The following CACNA1D variants were observed in gnomAD, a reference collection of about 807,000 sequenced individuals.
The protein encoded by CACNA1D is voltage-dependent L-type calcium channel subunit alpha-1D.
In CACNA1D, 55 loss-of-function variants were observed where a neutral mutation model predicts 257.1. The ratio of observed to expected loss-of-function variants is 0.21; its 90% confidence interval spans 0.17 to 0.27. The LOEUF is 0.27. Ranked by LOEUF, CACNA1D falls within the 10% of genes least tolerant of loss-of-function variation. The pLI is 1.00. For synonymous variants in CACNA1D, 980 were observed against 1,014.9 expected (o/e 0.97, Z 0.65); for missense variants, 1,876 against 2,784.0 (o/e 0.67, Z 7.34).
chr3:53,654,210 A>G (rs934672619), intron 4 of CACNA1D, among the ~76,000 whole-genome samples: 3 of 152,224 alleles, frequency 2.0e-5, no homozygotes, highest in African/African-American at 7.2e-5. Context: ...TCTACACAGA[A>G]AGAAATGAAG....
At chr3:53,740,205 T>G (rs1038476778) in intron 20 of CACNA1D, 75 bp from the exon 21 acceptor site, 8 of 1,052,070 alleles carry the variant, frequency 7.6e-6, no homozygotes, top group Non-Finnish European at 9.0e-6. Context: ...GGATCGGGGG[T>G]TTCTGCCTGT....
intron 3 of CACNA1D, among the ~76,000 whole-genome samples, chr3:53,638,236 C>T (rs1433221361): frequency 6.6e-6 from 1 of 152,110 alleles, no homozygotes; most frequent in Non-Finnish European, 1.5e-5. Flanking sequence ...TATAGCAAAC[C>T]ATAGAGAGTT....
At chr3:53,687,286 A>G (rs530686442) in intron 8 of CACNA1D, among the ~76,000 whole-genome samples, 84 of 152,208 alleles carry the variant, frequency 5.5e-4, no homozygotes, top group Non-Finnish European at 9.0e-4. Flanking sequence ...TAAAACTAAT[A>G]TATAATTGCA....
At chr3:53,548,621 G>A (rs762051598) in intron 3 of CACNA1D, among the ~76,000 whole-genome samples, 26 of 151,946 alleles carry the variant, frequency 1.7e-4, no homozygotes, top group Admixed American at 1.5e-3. Flanking sequence ...GTCCCATCTG[G>A]ATCCCCCAAA....
rs1204480236 is a variant in CACNA1D, at chr3:53,801,439, T to C, written c.5408+14T>C. ...CAGTGTGAAAAGGTAACCTTGACAA[T>C]GTGTTTGGACTTGCTCATGTGGTGT... is the stretch of plus-strand genomic sequence containing the variant. On this transcript the variant is annotated intron_variant, in intron 42 of 47. Coordinates refer to ENST00000350061, the MANE Select transcript of CACNA1D (RefSeq NM_001128840.3). 1 of 1,613,204 alleles carries C rather than the reference T, an allele frequency of 6.2e-7. No individual in the cohort carries two copies. Among genetic ancestry groups the C allele is most frequent in the East Asian group, 2.2e-5 (1 of 44,880 alleles).
chr3:53,624,353 G>T (rs561356350), intron 3 of CACNA1D, among the ~76,000 whole-genome samples: 1 of 152,338 alleles, frequency 6.6e-6, no homozygotes, highest in Non-Finnish European at 1.5e-5. Context: ...AAGGAAAAGT[G>T]GAAGAAAGGA....
chr3:53,518,070 C>T (rs898219650), intron 3 of CACNA1D, among the ~76,000 whole-genome samples: 6 of 152,208 alleles, frequency 3.9e-5, no homozygotes, highest in African/African-American at 1.4e-4. Context: ...GGGTAGCCAC[C>T]TGAGGCTGGA....
intron 3 of CACNA1D, among the ~76,000 whole-genome samples, chr3:53,536,367 C>T (rs1216673782): frequency 6.6e-6 from 1 of 151,596 alleles, no homozygotes; most frequent in Admixed American, 6.6e-5. Context: ...TTTTTTTTAA[C>T]TGAGAAAATA....
chr3:53,719,880 C>T (rs939219370), intron 11 of CACNA1D, 99 bp downstream of exon 11: 3 of 1,086,638 alleles, frequency 2.8e-6, no homozygotes, highest in Non-Finnish European at 4.3e-6. Context: ...TTGAGTTTTC[C>T]TCTGTGGATT....
intron 3 of CACNA1D, among the ~76,000 whole-genome samples, chr3:53,628,627 C>G (rs1281012674): frequency 6.6e-6 from 1 of 152,148 alleles, no homozygotes; most frequent in Admixed American, 6.6e-5. Context: ...AAAAAAATCT[C>G]TAAGTAGCAG....
intron 40 of CACNA1D, among the ~76,000 whole-genome samples, chr3:53,788,498 C>G (rs549176151): frequency 6.6e-6 from 1 of 152,264 alleles, no homozygotes; most frequent in South Asian, 2.1e-4. Context: ...AGCTAGCCTC[C>G]GAAAGACAAA....
At chr3:53,783,639 T>C (rs764469246) in intron 39 of CACNA1D, among the ~76,000 whole-genome samples, 5 of 152,228 alleles carry the variant, frequency 3.3e-5, no homozygotes, top group Non-Finnish European at 4.4e-5. Flanking sequence ...ATGTGAGTGC[T>C]GTGGCCACGA....
At chr3:53,621,866 A>G (rs1416266731) in intron 3 of CACNA1D, among the ~76,000 whole-genome samples, 1 of 152,214 alleles carries the variant, frequency 6.6e-6, no homozygotes, top group Non-Finnish European at 1.5e-5. Context: ...AAAGATGTTC[A>G]ACATTATTGT....
Position 53,723,355 on chromosome 3 carries a change from G to T in CACNA1D, c.1667-79G>T. On this transcript the variant is annotated intron_variant, in intron 12 of 47. Coordinates refer to ENST00000350061, the MANE Select transcript of CACNA1D (RefSeq NM_001128840.3). This position sits in a 1 kb window ranked among gnomAD's most constrained non-coding sequence, Gnocchi z 5.6. The stretch of plus-strand genomic sequence containing the variant: ...GCGTATTTCCTGTGGGGCCTGATAG[G>T]GAGGGAGGTGTGAGGGGCACGAGCA... 1 of 969,336 alleles carries T rather than the reference G, an allele frequency of 1.0e-6. No homozygotes were observed. Among genetic ancestry groups the T allele is most frequent in the Non-Finnish European group, 1.7e-6 (1 of 592,286 alleles). 60.0% of individuals were successfully genotyped at this position (969,336 alleles called of 1,614,324 possible).
intron 3 of CACNA1D, among the ~76,000 whole-genome samples, chr3:53,523,563 A>G (rs1173134731): frequency 2.0e-5 from 3 of 152,362 alleles, no homozygotes; most frequent in South Asian, 4.1e-4. Flanking sequence ...TCCAAGTGCC[A>G]TGGTGTATGT....
At chr3:53,501,318 A>G (rs1252579271) in intron 2 of CACNA1D, among the ~76,000 whole-genome samples, 1 of 152,208 alleles carries the variant, frequency 6.6e-6, no homozygotes, top group Admixed American at 6.5e-5. Flanking sequence ...ACAGTGCCCT[A>G]ATTGGATGTA....
intron 3 of CACNA1D, among the ~76,000 whole-genome samples, chr3:53,591,455 T>C (rs1387221228): frequency 2.6e-5 from 4 of 152,144 alleles, no homozygotes; most frequent in African/African-American, 9.7e-5. Context: ...AGTTTTGCCA[T>C]GTTGCCCAGG....
intron 3 of CACNA1D, among the ~76,000 whole-genome samples, chr3:53,604,001 T>C (rs1432158488): frequency 2.0e-5 from 3 of 152,252 alleles, no homozygotes; most frequent in African/African-American, 7.2e-5. Context: ...AGCAGGTATC[T>C]ACATTTACAT....
At chr3:53,557,818 C>T (rs2092674178) in intron 3 of CACNA1D, among the ~76,000 whole-genome samples, 1 of 152,188 alleles carries the variant, frequency 6.6e-6, no homozygotes, top group Non-Finnish European at 1.5e-5. Context: ...TCTTATTTCT[C>T]AAATTTTTGT....
Sources: allele counts gnomAD v4.1 joint callset (sites outside exome capture counted in the v4.1 genomes callset), GRCh38; gene constraint gnomAD v4.1.1; non-coding constraint Gnocchi (gnomAD v3.1); transcripts MANE v1.5; gene names NCBI Gene and HGNC (gene_info 2026-07-23, HGNC 2026-07-21).